Variants in AHNAK observed in about 807,000 individuals in gnomAD.
The protein encoded by AHNAK is AHNAK nucleoprotein.
Under a neutral mutation model 37.8 loss-of-function variants are expected in AHNAK, and 23 were observed. That is an observed-to-expected ratio of 0.61 (90% CI 0.44 to 0.86). The LOEUF (loss-of-function observed/expected upper bound fraction) is 0.86. AHNAK is among the 40% of genes least tolerant of loss of function. The pLI, the probability that AHNAK is intolerant of heterozygous loss-of-function variation, is 0.00. For missense variants in AHNAK, 7,411 were observed against 7,319.4 expected (o/e 1.01, Z -0.46); for synonymous variants, 2,481 against 2,636.3 (o/e 0.94, Z 1.80).
Position 62,517,713 on chromosome 11 carries a change from T to A in AHNAK, c.16704A>T (p.Gly5568=). The stretch of plus-strand genomic sequence containing the variant: ...TGACACCCCCTGAAACATCCGCACC[T>A]CCTTTGATTTTTGGGCCCTTCAAGT... The part of the protein sequence containing the change: ...GINLKGPKIK[G]GADVSGGVSA... The change falls in exon 5 of 5, where the codon GGA becomes GGT. Residue 5568 remains glycine, a synonymous_variant. Coordinates refer to ENST00000378024, the MANE Select transcript of AHNAK (RefSeq NM_001620.3). 6.2e-7 allele frequency: 1 copy of A among 1,614,144 alleles called. No individual in the cohort carries two copies. Among genetic ancestry groups the A allele is most frequent in the South Asian group, 1.1e-5 (1 of 91,078 alleles).
chr11:62,528,301 A>T lies in AHNAK; in HGVS notation c.6116T>A (p.Val2039Asp). ...CTTCAGGTGCCAGTCTGGGCCATGA[A>T]CATCCACATCTGGGGCATCAATGTC... ...KMDIDAPDVD[V>D]HGPDWHLKMP... The change falls in exon 5 of 5, where the codon GTT (valine) becomes GAT (aspartate). Residue 2039 changes from valine to aspartate, a missense_variant. Val to Asp is a radical substitution (Grantham distance 152). Transcript: ENST00000378024. 6.2e-7 allele frequency: 1 copy of T among 1,614,164 alleles called. No individual in the cohort carries two copies. The highest frequency in any genetic ancestry group is 8.5e-7 in the Non-Finnish European group (1 of 1,180,038).
Position 62,527,142 on chromosome 11 carries a change from T to C in AHNAK, c.7275A>G (p.Pro2425=), listed in dbSNP as rs763373932. ...CCTCTGGTCCCTCAATGTCAATGTC[T>C]GGCCCACTGACATCCACATGTGGCC... The part of the protein sequence containing the change: ...LKGPHVDVSG[P]DIDIEGPEGK... The change falls in exon 5 of 5, where the codon CCA becomes CCG. Residue 2425 remains proline (P), a synonymous_variant. Transcript: ENST00000378024. 16 of 1,613,596 alleles carry C rather than the reference T, an allele frequency of 9.9e-6. No homozygotes were observed. Among genetic ancestry groups the C allele is most frequent in the Middle Eastern group, 1.7e-4 (1 of 6,058 alleles).
rs139777521 is a variant in AHNAK at position 62,516,966 on chromosome 11, G to A, written c.17451C>T (p.His5817=). The A allele has an allele frequency of 2.0e-5, 32 of 1,613,970 alleles. No homozygotes were observed. Among genetic ancestry groups the A allele is most frequent in the South Asian group, 1.5e-4 (14 of 91,078 alleles). ...CAAAGGTACCGAATTTCAGCTTCCC[G>A]TGTTTCCCTTTAACTTTCCCACCTT... The part of the protein sequence containing the change: ...SLEGGKVKGK[H]GKLKFGTFGG... Residue 5817 remains histidine (H), a synonymous_variant, in exon 5 of 5, where the codon CAC becomes CAT. Coordinates refer to ENST00000378024, the MANE Select transcript of AHNAK (RefSeq NM_001620.3).
At chr11:62,468,349 C>T (rs993714895) in intron 5 of AHNAK, among the ~76,000 whole-genome samples, 3 of 45,714 alleles carry the variant, frequency 6.6e-5, no homozygotes, top group African/African-American at 1.7e-4. Context: ...CTCTGTCTCC[C>T]AAAAAAAAGA....
intron 4 of AHNAK, among the ~76,000 whole-genome samples, chr11:62,504,585 C>T (rs2134176732): frequency 6.6e-6 from 1 of 152,244 alleles, no homozygotes; most frequent in South Asian, 2.1e-4. Flanking sequence ...CACCGCCTGG[C>T]CACCGAAGAC....
At chr11:62,459,765 T>A (rs570188729) in intron 5 of AHNAK, among the ~76,000 whole-genome samples, 1 of 152,246 alleles carries the variant, frequency 6.6e-6, no homozygotes, top group South Asian at 2.1e-4. Context: ...AGGTCAAATA[T>A]CTTTCCCAAG....
intron 5 of AHNAK, among the ~76,000 whole-genome samples, chr11:62,465,856 C>G (rs1008102923): frequency 6.6e-6 from 1 of 152,070 alleles, no homozygotes; most frequent in Admixed American, 6.6e-5. Flanking sequence ...AGGATTCTTC[C>G]CTAGAACCTT....
intron 4 of AHNAK, among the ~76,000 whole-genome samples, chr11:62,495,791 G>A (rs1939597440): frequency 6.6e-6 from 1 of 150,534 alleles, no homozygotes; most frequent in Non-Finnish European, 1.5e-5. Context: ...GCTCATGCCT[G>A]TAATCCCAGA....
chr11:62,521,630 C>G lies in AHNAK; in HGVS notation c.12787G>C (p.Asp4263His). 1 of 1,613,486 alleles carries G rather than the reference C, an allele frequency of 6.2e-7. No homozygotes were observed. The highest frequency in any genetic ancestry group is 1.3e-5 in the African/African-American group (1 of 74,750). ...KAPKISMPDF[D>H]LHLKGPKVKG... is the part of the protein sequence containing the mutation. ...ACCTTGGGACCTTTCAGATGCAAAT[C>G]AAAGTCAGGCATGGAGATCTTGGGG... Residue 4263 changes from aspartate to histidine, a missense_variant, in exon 5 of 5, where the codon GAT (aspartate) becomes CAT (histidine). Asp to His is a moderately conservative substitution (Grantham distance 81). Transcript: ENST00000378024.
At chr11:62,450,013 G>T (rs1938500095) in intron 5 of AHNAK, among the ~76,000 whole-genome samples, 1 of 152,180 alleles carries the variant, frequency 6.6e-6, no homozygotes, top group Admixed American at 6.6e-5. Context: ...GGGAGGCTGA[G>T]GTAGGTGGAT....
At position 62,528,626 on chromosome 11, in the gene AHNAK, A is replaced by C; in HGVS notation, c.5791T>G (p.Leu1931Val). Residue 1931 changes from leucine to valine, a missense_variant, in exon 5 of 5, where the codon TTG becomes GTG. Transcript: ENST00000378024. The stretch of plus-strand genomic sequence containing the variant: ...TCCCCTTTGACTTTGGGGCCTTTCA[A>C]GTGTAAGTCCACATCAGGCATGGAG... Reference protein sequence around the residue: ...KISMPDVDLHLKGPKVKGDVD... With the variant: ...KISMPDVDLHVKGPKVKGDVD... The C allele has an allele frequency of 6.5e-7, 1 of 1,537,350 alleles. No individual in the cohort carries two copies. Among genetic ancestry groups the C allele is most frequent in the East Asian group, 2.4e-5 (1 of 41,374 alleles).
intron 5 of AHNAK, among the ~76,000 whole-genome samples, chr11:62,479,167 C>CTTTTTTTTTTTT (rs33929407): frequency 3.4e-5 from 4 of 116,250 alleles, no homozygotes; most frequent in Admixed American, 1.1e-4. Flanking sequence ...TTTCTTTTTT[C>CTTTTTTTTTTTT]TTTTTTTTTT....
In AHNAK at chr11:62,522,373, A is replaced by G. The variant is rs140500540; in HGVS notation, c.12044T>C (p.Val4015Ala). The G allele has an allele frequency of 2.5e-6, 4 of 1,613,652 alleles. No homozygotes were observed. The African/African-American group carries it at 5.3e-5, about 22-fold the overall frequency. ...CAGAGAAACATCCACATCTCCTTTC[A>G]CCTTAGGGCCTTTCAGATGCAAATC... The part of the protein sequence containing the change: ...DFDLHLKGPK[V>A]KGDVDVSLPK... Residue 4015 changes from valine to alanine, a missense_variant, in exon 5 of 5, where the codon GTG (valine) becomes GCG (alanine). By Grantham distance (64) the Val-to-Ala change is moderately conservative (BLOSUM62 0). Transcript: ENST00000378024.
intron 5 of AHNAK, among the ~76,000 whole-genome samples, chr11:62,460,178 T>C (rs1230886769): frequency 6.6e-6 from 1 of 150,602 alleles, no homozygotes; most frequent in Admixed American, 6.6e-5. Flanking sequence ...TCCCAGCTAC[T>C]CGGGAGGCTG....
rs750615607 is a variant in AHNAK at position 62,516,877 on chromosome 11, T to C, written c.17540A>G (p.Lys5847Arg). 5.6e-6 allele frequency: 9 copies of C among 1,614,176 alleles called. No homozygotes were observed. The highest frequency in any genetic ancestry group is 1.1e-5 in the South Asian group (1 of 91,086). The change falls in exon 5 of 5, where the codon AAG (lysine) becomes AGG (arginine). Residue 5847 changes from lysine to arginine, a missense_variant. By Grantham distance (26) the Lys-to-Arg change is conservative. Transcript: ENST00000378024. ...EVTGSDDETGKLQGSGVSLAS... is the reference protein window; with the variant it reads ...EVTGSDDETGRLQGSGVSLAS... ...CAGGGACACCCCACTCCCCTGTAAC[T>C]TGCCTGTCTCATCATCGCTCCCAGT...
Position 62,525,689 on chromosome 11 carries a change from C to G in AHNAK, c.8728G>C (p.Glu2910Gln), listed in dbSNP as rs200216127. 8.4e-5 allele frequency: 135 copies of G among 1,613,604 alleles called. 2 individuals carry two copies. In the Middle Eastern group the frequency reaches 3.3e-3, roughly 39 times the overall value. Residue 2910 changes from glutamate (E) to glutamine (Q), a missense_variant, in exon 5 of 5, where the codon GAG (glutamate) becomes CAG (glutamine). Coordinates refer to ENST00000378024, the MANE Select transcript of AHNAK (RefSeq NM_001620.3). ...AGGTTCACATCCACTTCAGGGCCCT[C>G]TGCTTTGAAGCCAGGCATGCTGAAC... ...PKFSMPGFKA[E>Q]GPEVDVNLPK...
chr11:62,530,737 G>C lies in AHNAK; in HGVS notation c.3680C>G (p.Pro1227Arg). 1 of 1,613,756 alleles carries C rather than the reference G, an allele frequency of 6.2e-7. No individual in the cohort carries two copies. Among genetic ancestry groups the C allele is most frequent in the Non-Finnish European group, 8.5e-7 (1 of 1,179,974 alleles). ...VPKVEGEMKV[P>R]DVEIKGPKMD... is the part of the protein sequence containing the mutation. Reference sequence around the variant, plus strand: ...TTTGGGTCCTTTGATTTCAACATCTGGCACTTTCATTTCACCTTCTACCTT... The same window carrying C: ...TTTGGGTCCTTTGATTTCAACATCTCGCACTTTCATTTCACCTTCTACCTT... The change falls in exon 5 of 5, where the codon CCA becomes CGA. Residue 1227 changes from proline (P) to arginine (R), a missense_variant. Physicochemically the swap from Pro to Arg is moderately radical, Grantham distance 103. Coordinates refer to ENST00000378024, the MANE Select transcript of AHNAK (RefSeq NM_001620.3).
Position 62,536,026 on chromosome 11 carries a change from T to C in AHNAK, c.73A>G (p.Ile25Val), listed in dbSNP as rs751694676. ...AAGACGCCGTCGTCCCTCTGGGCGA[T>C]GGTCAGCCCGTGGGAGCCACTACCC... ...WQGSGSHGLTIAQRDDGVFVQ... is the reference protein window; with the variant it reads ...WQGSGSHGLTVAQRDDGVFVQ... The change falls in exon 3 of 5, where the codon ATC becomes GTC. Residue 25 changes from isoleucine (I) to valine (V), a missense_variant. Physicochemically the swap from Ile to Val is conservative, Grantham distance 29. Transcript: ENST00000378024. The C allele has an allele frequency of 7.4e-6, 12 of 1,612,526 alleles. No individual in the cohort carries two copies. In the South Asian group the frequency reaches 1.2e-4, roughly 16 times the overall value.
In AHNAK at chr11:62,528,282, G is replaced by A. The variant is rs576317711; in HGVS notation, c.6135C>T (p.His2045=). The A allele has an allele frequency of 6.2e-7, 1 of 1,614,046 alleles. No homozygotes were observed. Among genetic ancestry groups the A allele is most frequent in the Non-Finnish European group, 8.5e-7 (1 of 1,180,022 alleles). Residue 2045 remains histidine, a synonymous_variant, in exon 5 of 5, where the codon CAC becomes CAT. Coordinates refer to ENST00000378024, the MANE Select transcript of AHNAK (RefSeq NM_001620.3). Reference sequence around the variant, plus strand: ...GCATTTTCATCTTGGGCATCTTCAGGTGCCAGTCTGGGCCATGAACATCCA... The same window carrying A: ...GCATTTTCATCTTGGGCATCTTCAGATGCCAGTCTGGGCCATGAACATCCA... ...PDVDVHGPDW[H]LKMPKMKMPK... is the part of the protein sequence containing the mutation.
Sources: gnomAD v4.1 joint callset for allele counts (sites outside exome capture counted in the v4.1 genomes callset) on GRCh38, gnomAD v4.1.1 for gene constraint, MANE v1.5 for transcripts, NCBI Gene and HGNC (gene_info 2026-07-23, HGNC 2026-07-21) for gene names.